The following ADAMTS18 variants were observed in gnomAD, a reference collection of about 807,000 sequenced individuals.
The protein encoded by ADAMTS18 is A disintegrin and metalloproteinase with thrombospondin motifs 18.
ADAMTS18 carries 157 observed loss-of-function variants against 165.9 expected under a neutral mutation model. The observed-to-expected ratio is 0.95, with a 90% CI of 0.83 to 1.08. ADAMTS18 has a LOEUF of 1.08. Among genes scored for constraint, ADAMTS18 ranks in the 50% least tolerant of loss-of-function variants. The pLI, the probability that ADAMTS18 is intolerant of heterozygous loss-of-function variation, is 0.00. For synonymous variants in ADAMTS18, 782 were observed against 578.2 expected (o/e 1.35, Z -5.06); for missense variants, 2,040 against 1,534.0 (o/e 1.33, Z -5.51).
intron 3 of ADAMTS18, among the ~76,000 whole-genome samples, chr16:77,423,743 TTA>T (rs762551898): frequency 9.9e-5 from 15 of 152,268 alleles, no homozygotes; most frequent in Admixed American, 3.3e-4. Flanking sequence ...TTCTCTCATT[TTA>T]TGTCTTCAGT....
At chr16:77,291,015 T>A in intron 21 of ADAMTS18, 1 of 443,698 alleles carries the variant, frequency 2.3e-6, no homozygotes, top group Non-Finnish European at 4.1e-6. Context: ...GTAAGTGTTT[T>A]ACATACATTT....
chr16:77,397,509 C>A (rs893521861), intron 3 of ADAMTS18, among the ~76,000 whole-genome samples: 1 of 152,272 alleles, frequency 6.6e-6, no homozygotes, highest in Non-Finnish European at 1.5e-5. Flanking sequence ...ATGGTTTCTT[C>A]TTAACTAGAT....
chr16:77,373,177 G>A lies in ADAMTS18; in HGVS notation c.496-5454C>T, dbSNP rs532844008. ...TAAACACCATCTTCTCAGAGAAGCCGTACTCACGACCCTATTGAAAATTAT... is the reference window on the plus strand; with the variant it reads ...TAAACACCATCTTCTCAGAGAAGCCATACTCACGACCCTATTGAAAATTAT... On this transcript the variant is annotated intron_variant, in intron 3 of 22. Coordinates refer to ENST00000282849, the MANE Select transcript of ADAMTS18 (RefSeq NM_199355.4). 4.6e-5 allele frequency among the ~76,000 whole-genome samples: 7 copies of A among 152,170 alleles called. No homozygotes were observed. In the South Asian group the frequency reaches 6.2e-4, roughly 14 times the overall value.
In ADAMTS18 at chr16:77,425,706, G is replaced by A. The variant is rs146092710; in HGVS notation, c.495+5589C>T. The stretch of plus-strand genomic sequence containing the variant: ...AGGAATTGCTCTTTTAGCGTGAACC[G>A]CAGAACCCTGGTACAAGATGTTGAT... On this transcript the variant is annotated intron_variant, in intron 3 of 22. Transcript: ENST00000282849. Among the ~76,000 whole-genome samples the A allele has an allele frequency of 3.0e-3, 454 of 152,218 alleles. 2 individuals carry two copies. Among genetic ancestry groups the A allele is most frequent in the Non-Finnish European group, 4.1e-3 (277 of 68,006 alleles).
At chr16:77,319,301 C>T (rs2055944591) in intron 16 of ADAMTS18, among the ~76,000 whole-genome samples, 1 of 152,180 alleles carries the variant, frequency 6.6e-6, no homozygotes, top group African/African-American at 2.4e-5. Context: ...GAAACCCAAG[C>T]ATATTGGTGA....
intron 16 of ADAMTS18, among the ~76,000 whole-genome samples, chr16:77,307,278 G>A (rs2055698632): frequency 1.3e-5 from 2 of 152,166 alleles, no homozygotes. Context: ...AAGCTCATGT[G>A]ATTTTTGGAA....
At chr16:77,296,462 C>T (rs763404520) in intron 18 of ADAMTS18, among the ~76,000 whole-genome samples, 16 of 152,090 alleles carry the variant, frequency 1.1e-4, no homozygotes, top group Admixed American at 3.9e-4. Flanking sequence ...GGCACACAAC[C>T]GCACGCAAAT....
At chr16:77,293,396 A>G (rs1425932678) in intron 19 of ADAMTS18, 138 bp from the exon 20 acceptor site, 1 of 736,864 alleles carries the variant, frequency 1.4e-6, no homozygotes, top group Non-Finnish European at 2.3e-6. Context: ...TACGAGATCT[A>G]CTTAACCACC....
intron 12 of ADAMTS18, among the ~76,000 whole-genome samples, chr16:77,335,312 A>G (rs77377209): frequency 0.035 from 5,293 of 150,664 alleles, 111 homozygotes; most frequent in South Asian, 0.052. Flanking sequence ...CTAGAGCTAG[A>G]GAGTGCATTG....
chr16:77,346,821 G>T (rs1189768692), intron 10 of ADAMTS18, among the ~76,000 whole-genome samples: 1 of 152,118 alleles, frequency 6.6e-6, no homozygotes, highest in Non-Finnish European at 1.5e-5. Flanking sequence ...ACTTTACAGA[G>T]GTATGATTTA....
chr16:77,310,327 T>C (rs998859064), intron 16 of ADAMTS18, among the ~76,000 whole-genome samples: 6 of 152,164 alleles, frequency 3.9e-5, no homozygotes, highest in African/African-American at 1.2e-4. Flanking sequence ...TCTGATAACA[T>C]AGGGTTTGGG....
chr16:77,375,369 G>T (rs2056934541), intron 3 of ADAMTS18, among the ~76,000 whole-genome samples: 2 of 152,080 alleles, frequency 1.3e-5, no homozygotes, highest in African/African-American at 4.8e-5. Flanking sequence ...GTGAAAGAGA[G>T]AGAGTCCATC....
chr16:77,359,909 G>C (rs1348037009), intron 7 of ADAMTS18, among the ~76,000 whole-genome samples: 1 of 152,158 alleles, frequency 6.6e-6, no homozygotes, highest in East Asian at 1.9e-4. Flanking sequence ...AAATGTCTAA[G>C]CAACATGTGC....
At chr16:77,339,178 A>T (rs2056359811) in intron 11 of ADAMTS18, among the ~76,000 whole-genome samples, 1 of 152,132 alleles carries the variant, frequency 6.6e-6, no homozygotes, top group Non-Finnish European at 1.5e-5. Flanking sequence ...TGAAATTTAC[A>T]GTCTAACAAG....
At position 77,411,773 on chromosome 16, in the gene ADAMTS18, G is replaced by A. The variant is rs1458371306; in HGVS notation, c.495+19522C>T. Among the ~76,000 whole-genome samples the A allele has an allele frequency of 2.2e-5, 3 of 136,410 alleles. No individual in the cohort carries two copies. In the Admixed American group the frequency reaches 2.6e-4, roughly 12 times the overall value. 89.5% of individuals were successfully genotyped at this position (136,410 alleles called of 152,430 possible). On this transcript the variant is annotated intron_variant, in intron 3 of 22. Coordinates refer to ENST00000282849, the MANE Select transcript of ADAMTS18 (RefSeq NM_199355.4). ...GCAATCTTGGCTCACTGCAACCTCT[G>A]CCTCTCAGGCTCAAGCGATTCTCCT... is the stretch of plus-strand genomic sequence containing the variant.
rs570739300 is a variant in ADAMTS18, at chr16:77,291,613, C to G, written c.3190-135G>C. ...GATTACACAAGGTCAACCACACTCA[C>G]TCGAGGATCTTACAGATACAGCAGC... On this transcript the variant is annotated intron_variant, in intron 20 of 22. Transcript: ENST00000282849. 2.0e-5 allele frequency: 18 copies of G among 911,370 alleles called. 1 individual carries two copies. The highest frequency in any genetic ancestry group is 3.1e-4 in the Middle Eastern group (1 of 3,216). 56.5% of individuals were successfully genotyped at this position (911,370 alleles called of 1,614,324 possible).
chr16:77,291,507 T>A, intron 20 of ADAMTS18, 29 bp from the exon 21 acceptor site: 1 of 1,606,256 alleles, frequency 6.2e-7, no homozygotes, highest in Non-Finnish European at 8.5e-7. Flanking sequence ...TGTGTAAAAG[T>A]GAAGACTGCC....
intron 13 of ADAMTS18, 120 bp from the exon 14 acceptor site, chr16:77,322,586 T>C: frequency 7.7e-7 from 1 of 1,296,744 alleles, no homozygotes; most frequent in Non-Finnish European, 1.1e-6. Context: ...ATGGAAAATG[T>C]GTGTGTTTGC....
At chr16:77,434,357 G>A in intron 2 of ADAMTS18, 61 bp downstream of exon 2, 1 of 1,523,302 alleles carries the variant, frequency 6.6e-7, no homozygotes, top group Non-Finnish European at 8.8e-7. Flanking sequence ...CTCTCTTTGG[G>A]GGAAGGAAGG....
Sources: allele counts gnomAD v4.1 joint callset (sites outside exome capture counted in the v4.1 genomes callset), GRCh38; gene constraint gnomAD v4.1.1; transcripts MANE v1.5; gene names NCBI Gene and HGNC (gene_info 2026-07-23, HGNC 2026-07-21).